The following COP1 variants were observed in gnomAD, a reference collection of about 807,000 sequenced individuals.
COP1 encodes the protein E3 ubiquitin-protein ligase COP1.
Under a neutral mutation model 101.3 loss-of-function variants are expected in COP1, and 24 were observed. That is an observed-to-expected ratio of 0.24 (90% CI 0.17 to 0.33). COP1 has a LOEUF of 0.33. Among genes scored for constraint, COP1 ranks in the 10% least tolerant of loss-of-function variants. The pLI, the probability that COP1 is intolerant of heterozygous loss-of-function variation, is 1.00. For synonymous variants in COP1, 347 were observed against 341.9 expected, an observed-to-expected ratio of 1.01 and a Z score of -0.17; for missense variants, 663 against 906.2, an observed-to-expected ratio of 0.73 and a Z score of 3.45.
intron 14 of COP1, among the ~76,000 whole-genome samples, chr1:176,027,952 G>A (rs1004371939): frequency 2.7e-5 from 4 of 150,326 alleles, no homozygotes; most frequent in Admixed American, 6.6e-5. Context: ...GGCTGAGGAG[G>A]ACTCACAACA....
chr1:176,134,899 A>G, intron 8 of COP1, 111 bp downstream of exon 8: 1 of 686,126 alleles, frequency 1.5e-6, no homozygotes, highest in Non-Finnish European at 2.5e-6. Flanking sequence ...TCATGACCAA[A>G]GTAATTTCTC....
At chr1:176,036,766 T>C (rs530024131) in intron 14 of COP1, among the ~76,000 whole-genome samples, 1 of 152,312 alleles carries the variant, frequency 6.6e-6, no homozygotes, top group East Asian at 1.9e-4. Flanking sequence ...TTTGCTTAAT[T>C]GTAGGCCAAT....
intron 11 of COP1, among the ~76,000 whole-genome samples, chr1:176,071,400 T>C (rs1676982655): frequency 6.6e-6 from 1 of 152,102 alleles, no homozygotes. Flanking sequence ...TTACCCAGTC[T>C]CGGGTATTTC....
At chr1:176,023,153 G>C (rs1667049006) in intron 15 of COP1, among the ~76,000 whole-genome samples, 1 of 152,188 alleles carries the variant, frequency 6.6e-6, no homozygotes, top group Non-Finnish European at 1.5e-5. Flanking sequence ...CTGATGATGA[G>C]CTAAGAGTCA....
At chr1:176,204,563 A>C (rs1041522373) in intron 1 of COP1, among the ~76,000 whole-genome samples, 9 of 151,428 alleles carry the variant, frequency 5.9e-5, no homozygotes, top group Admixed American at 5.2e-4. Context: ...ATTCTCATTA[A>C]TTAATTCTTC....
intron 11 of COP1, among the ~76,000 whole-genome samples, chr1:176,076,003 C>CAA (rs60998287): frequency 0.1 from 9,656 of 96,342 alleles, 1,144 homozygotes; most frequent in African/African-American, 0.25. Flanking sequence ...AACTCCATCT[C>CAA]AAAAAAAAAA....
chr1:176,169,559 C>T (rs1020911548), intron 3 of COP1, among the ~76,000 whole-genome samples: 1 of 151,944 alleles, frequency 6.6e-6, no homozygotes, highest in Non-Finnish European at 1.5e-5. Flanking sequence ...TACGCTATAC[C>T]GTAGTTTAAG....
At chr1:176,180,275 C>T (rs1385100598) in intron 2 of COP1, among the ~76,000 whole-genome samples, 1 of 152,188 alleles carries the variant, frequency 6.6e-6, no homozygotes, top group Non-Finnish European at 1.5e-5. Flanking sequence ...AGGAAAGCAA[C>T]ATACGCCTGT....
At chr1:175,954,685 C>A (rs1408850346) in intron 18 of COP1, among the ~76,000 whole-genome samples, 2 of 151,820 alleles carry the variant, frequency 1.3e-5, no homozygotes, top group African/African-American at 2.4e-5. Context: ...CCAATTATGA[C>A]AGAAGAAAGA....
At position 176,207,065 on chromosome 1, in the gene COP1, T is replaced by C; in HGVS notation, c.-87A>G. ...CCGCCTCCCCTCCCCTCAGCCTCAG[T>C]GCATCCTGAGGACGCCCGCCGAGCC... is the stretch of plus-strand genomic sequence containing the variant. On this transcript the variant is annotated 5_prime_UTR_variant, in exon 1 of 20. Transcript: ENST00000367669. The C allele has an allele frequency of 8.7e-7, 1 of 1,148,136 alleles. No individual in the cohort carries two copies. The highest frequency in any genetic ancestry group is 1.1e-6 in the Non-Finnish European group (1 of 883,312). The allele number at this position is 1,148,136 out of a possible 1,614,324, so 71.1% of individuals were successfully genotyped here.
chr1:176,047,343 T>C (rs550722998), intron 11 of COP1, among the ~76,000 whole-genome samples: 6 of 152,356 alleles, frequency 3.9e-5, no homozygotes, highest in African/African-American at 1.4e-4. Context: ...GTATTATTAT[T>C]ATCTACATTT....
rs1342014933 is a variant in COP1 at position 176,054,607 on chromosome 1, G to A, written c.1278-8283C>T. Among the ~76,000 whole-genome samples the A allele has an allele frequency of 4.0e-5, 6 of 151,874 alleles. No individual in the cohort carries two copies. In the South Asian group the frequency reaches 1.0e-3, roughly 26 times the overall value. The stretch of plus-strand genomic sequence containing the variant: ...ATTCTGTGGTCTTTCTTGTCATTCC[G>A]AACGATGTGCTCCTAGATGTAACCA... On this transcript the variant is annotated intron_variant, in intron 11 of 19. Coordinates refer to ENST00000367669, the MANE Select transcript of COP1 (RefSeq NM_022457.7).
chr1:175,961,189 T>C (rs1558163664), intron 18 of COP1, among the ~76,000 whole-genome samples: 1 of 152,188 alleles, frequency 6.6e-6, no homozygotes, highest in Admixed American at 6.5e-5. Flanking sequence ...TCTCACCCTC[T>C]GTAATCATGT....
intron 1 of COP1, among the ~76,000 whole-genome samples, chr1:176,185,643 A>G (rs2102052581): frequency 6.6e-6 from 1 of 152,340 alleles, no homozygotes; most frequent in South Asian, 2.1e-4. Context: ...ATTCTGATGC[A>G]GTGTTCAGAG....
rs1023399314 is a variant in COP1 at position 176,046,185 on chromosome 1, T to C, written c.1417A>G (p.Ile473Val). ...PENEMTCNSKISCISWSSYHK... is the reference protein window; with the variant it reads ...PENEMTCNSKVSCISWSSYHK... ...TCAAGAAAATAATGTAAATACCTGA[T>C]TTTCGAATTGCAGGTCATTTCATTC... Residue 473 changes from isoleucine to valine, a missense_variant, in exon 12 of 20, where the codon ATC becomes GTC. This residue lies in a region of COP1 where 209 missense variants were observed against 383.3 expected (regional missense o/e 0.55). Coordinates refer to ENST00000367669, the MANE Select transcript of COP1 (RefSeq NM_022457.7). The C allele has an allele frequency of 6.2e-7, 1 of 1,600,564 alleles. No homozygotes were observed. The highest frequency in any genetic ancestry group is 1.3e-5 in the African/African-American group (1 of 74,210).
chr1:176,171,631 G>A (rs1696078125), intron 3 of COP1, among the ~76,000 whole-genome samples: 1 of 152,172 alleles, frequency 6.6e-6, no homozygotes, highest in Non-Finnish European at 1.5e-5. Flanking sequence ...GCACATGGTA[G>A]TGGAAAAGTG....
intron 18 of COP1, among the ~76,000 whole-genome samples, chr1:175,959,908 T>C (rs1211357438): frequency 1.3e-5 from 2 of 152,068 alleles, no homozygotes; most frequent in Admixed American, 1.3e-4. Context: ...GAGTCAAAAG[T>C]TTTCTATTTG....
chr1:175,997,842 A>G (rs1288179222), intron 15 of COP1, among the ~76,000 whole-genome samples: 77 of 152,136 alleles, frequency 5.1e-4, no homozygotes, highest in East Asian at 2.3e-3. Context: ...TCAGCGTGGC[A>G]ATTCCTCAGG....
At chr1:176,131,952 A>G (rs1688959263) in intron 8 of COP1, among the ~76,000 whole-genome samples, 1 of 151,650 alleles carries the variant, frequency 6.6e-6, no homozygotes, top group African/African-American at 2.4e-5. Context: ...TAATTTAATG[A>G]CAGCTTTGCA....
Sources: gnomAD v4.1 joint callset for allele counts (sites outside exome capture counted in the v4.1 genomes callset) on GRCh38, gnomAD v4.1.1 for gene constraint, gnomAD v4.1.1 regional missense constraint, MANE v1.5 for transcripts, NCBI Gene and HGNC (gene_info 2026-07-23, HGNC 2026-07-21) for gene names.